ARAP2: variants seen among roughly 807,000 people sequenced by gnomAD.
ARAP2 encodes the protein ArfGAP with RhoGAP domain, ankyrin repeat and PH domain 2.
A neutral mutation model predicts 194.5 loss-of-function variants in ARAP2; 148 were observed. The observed-to-expected ratio is 0.76, with a 90% CI of 0.67 to 0.87. ARAP2 has a LOEUF of 0.87. Among genes scored for constraint, ARAP2 ranks in the 40% least tolerant of loss-of-function variants. ARAP2 has a pLI of 0.00. For missense variants in ARAP2, 2,128 were observed against 1,989.7 expected, an observed-to-expected ratio of 1.07 and a Z score of -1.32; for synonymous variants, 695 against 683.5, an observed-to-expected ratio of 1.02 and a Z score of -0.26.
At chr4:36,086,500 A>G (rs1290854798) in intron 28 of ARAP2, among the ~76,000 whole-genome samples, 1 of 152,140 alleles carries the variant, frequency 6.6e-6, no homozygotes, top group Non-Finnish European at 1.5e-5. Context: ...ATATTCATAA[A>G]GAAGAGCTAT....
chr4:36,032,837 C>A (rs1325941411), intron 5 of ARAP2, among the ~76,000 whole-genome samples: 2 of 152,180 alleles, frequency 1.3e-5, no homozygotes, highest in African/African-American at 4.8e-5. Context: ...ACCCTCCACA[C>A]TCAAGTAGGC....
intron 2 of ARAP2, among the ~76,000 whole-genome samples, chr4:36,215,143 AAAG>A (rs1351944441): frequency 5.3e-5 from 8 of 152,218 alleles, no homozygotes; most frequent in African/African-American, 1.9e-4. Context: ...TAACTTTTAA[AAAG>A]AAGAACAAAA....
rs1331254412 is a variant in ARAP2, at chr4:36,043,083, T to A, written n.607+2896A>T. Among the ~76,000 whole-genome samples the A allele has an allele frequency of 5.3e-5, 8 of 152,296 alleles. No homozygotes were observed. The South Asian group carries it at 8.3e-4, about 16-fold the overall frequency. On this transcript the variant is annotated intron_variant and non_coding_transcript_variant, in intron 5 of 12. Transcript: ENST00000503225. ...GTCTCAAACTCCTGACCTCAGGTGA[T>A]CTGCCCACATTGGCCTCCCAAAGTG...
At chr4:36,242,894 C>T (rs1753795773) in intron 1 of ARAP2, among the ~76,000 whole-genome samples, 1 of 152,014 alleles carries the variant, frequency 6.6e-6, no homozygotes, top group Non-Finnish European at 1.5e-5. Flanking sequence ...TATATAAAAC[C>T]CTCTTCGTGT....
chr4:36,177,944 C>T lies in ARAP2; in HGVS notation c.1740G>A (p.Ser580=), dbSNP rs773257949. ...LNALKSQSLT[S]QSQAVVTPEK... is the part of the protein sequence containing the mutation. ...CAGGTGTAACAACAGCTTGAGACTG[C>T]GAGGTAAGGGATTGTGATTTCAGTG... The change falls in exon 9 of 33, where the codon TCG becomes TCA. Residue 580 remains serine (S), a synonymous_variant. Transcript: ENST00000303965. 6.2e-6 allele frequency: 10 copies of T among 1,613,126 alleles called. No homozygotes were observed. Among genetic ancestry groups the T allele is most frequent in the African/African-American group, 1.3e-5 (1 of 74,832 alleles).
Position 36,147,338 on chromosome 4 carries a change from T to A in ARAP2, c.3221A>T (p.Asn1074Ile), listed in dbSNP as rs761729402. 5.6e-6 allele frequency: 9 copies of A among 1,613,038 alleles called. No homozygotes were observed. The highest frequency in any genetic ancestry group is 7.6e-6 in the Non-Finnish European group (9 of 1,179,272). Residue 1074 changes from asparagine (N) to isoleucine (I), a missense_variant, in exon 19 of 33, where the codon AAT becomes ATT. Transcript: ENST00000303965. ...QELTISTMVQ[N>I]GEKLDVLLLV... Reference sequence around the variant, plus strand: ...GAGTAAAACATCCAGTTTTTCCCCATTTTGAACCATTGTGCTGATTGCTGA... The same window carrying A: ...GAGTAAAACATCCAGTTTTTCCCCAATTTGAACCATTGTGCTGATTGCTGA...
chr4:36,021,174 A>G (rs1436930000), intron 5 of ARAP2, among the ~76,000 whole-genome samples: 1 of 152,240 alleles, frequency 6.6e-6, no homozygotes, highest in Non-Finnish European at 1.5e-5. Flanking sequence ...TTCATCATCC[A>G]GGTGCATATG....
At chr4:36,019,484 G>A (rs961761975) in intron 5 of ARAP2, among the ~76,000 whole-genome samples, 1 of 149,004 alleles carries the variant, frequency 6.7e-6, no homozygotes, top group Non-Finnish European at 1.5e-5. Context: ...TGTGATACTC[G>A]CGATGATGGA....
At chr4:36,207,796 G>C (rs543665849) in intron 6 of ARAP2, among the ~76,000 whole-genome samples, 47 of 151,838 alleles carry the variant, frequency 3.1e-4, no homozygotes, top group Non-Finnish European at 4.7e-4. Context: ...AAAAACCCAA[G>C]AGTTCACTAC....
In ARAP2 at chr4:36,140,261, T is replaced by C. The variant is rs74347788; in HGVS notation, c.3264-6872A>G. Reference sequence around the variant, plus strand: ...CTTCATAAGCTTATCTCCTGGTACATAGAGGTACTTTGAACTAACTGAAAC... The same window carrying C: ...CTTCATAAGCTTATCTCCTGGTACACAGAGGTACTTTGAACTAACTGAAAC... On this transcript the variant is annotated intron_variant, in intron 19 of 32. Coordinates refer to ENST00000303965, the MANE Select transcript of ARAP2 (RefSeq NM_015230.4). 6.0e-3 allele frequency among the ~76,000 whole-genome samples: 908 copies of C among 151,690 alleles called. 5 individuals are homozygous for C. The highest frequency in any genetic ancestry group is 0.02 in the African/African-American group (844 of 41,472).
At chr4:36,091,128 C>G (rs1713518955) in intron 28 of ARAP2, among the ~76,000 whole-genome samples, 2 of 151,904 alleles carry the variant, frequency 1.3e-5, no homozygotes, top group Admixed American at 1.3e-4. Context: ...GTAACCTGCA[C>G]CCAGAGAATA....
intron 21 of ARAP2, among the ~76,000 whole-genome samples, chr4:36,125,191 T>C (rs929903975): frequency 6.6e-6 from 1 of 151,996 alleles, no homozygotes; most frequent in African/African-American, 2.4e-5. Flanking sequence ...GTTCTTACAA[T>C]TTGTAATTTA....
chr4:36,056,701 C>T (rs1010715303), intron 2 of ARAP2, among the ~76,000 whole-genome samples: 2 of 151,830 alleles, frequency 1.3e-5, no homozygotes, highest in African/African-American at 4.8e-5. Context: ...TGTTTTTGTC[C>T]CTTTTTCTTT....
At chr4:36,042,588 C>G (rs2063400) in intron 5 of ARAP2, among the ~76,000 whole-genome samples, 11,184 of 152,186 alleles carry the variant, frequency 0.073, 566 homozygotes, top group Middle Eastern at 0.2. Context: ...TTTATAATGT[C>G]TTTCTTTTAC....
chr4:36,210,706 T>G lies in ARAP2; in HGVS notation c.1171A>C (p.Lys391Gln), dbSNP rs1436210874. 17 of 1,607,240 alleles carry G rather than the reference T, an allele frequency of 1.1e-5. No homozygotes were observed. Among genetic ancestry groups the G allele is most frequent in the Non-Finnish European group, 1.4e-5 (17 of 1,178,096 alleles). Residue 391 changes from lysine to glutamine, a missense_variant, in exon 6 of 33, where the codon AAG becomes CAG. Lys to Gln is a moderately conservative substitution (Grantham distance 53, BLOSUM62 1). Coordinates refer to ENST00000303965, the MANE Select transcript of ARAP2 (RefSeq NM_015230.4). ...DNRKEKISED[K>Q]VEDIWIPRED... ...CGAGGTATCCAAATATCTTCCACCT[T>G]GTCCTCGCTTATTTTCTCCTTTCTG...
At chr4:36,163,295 C>T (rs6531418) in intron 11 of ARAP2, among the ~76,000 whole-genome samples, 126,463 of 152,074 alleles carry the variant, frequency 0.83, 52,643 homozygotes, top group East Asian at 0.92. Context: ...CAAAGAGAGA[C>T]TGGTATCTTG....
intron 5 of ARAP2, among the ~76,000 whole-genome samples, chr4:36,023,867 G>A (rs1717435006): frequency 6.6e-6 from 1 of 152,090 alleles, no homozygotes; most frequent in African/African-American, 2.4e-5. Flanking sequence ...AAGAACAGAA[G>A]TGGTTTGAAG....
Position 36,080,292 on chromosome 4 carries a change from G to T in ARAP2, c.4545-13C>A, listed in dbSNP as rs1320929778. On this transcript the variant is annotated splice_polypyrimidine_tract_variant and intron_variant, in intron 30 of 32. Coordinates refer to ENST00000303965, the MANE Select transcript of ARAP2 (RefSeq NM_015230.4). The stretch of plus-strand genomic sequence containing the variant: ...ACAACACAGGTGCCTGCAAAACGAG[G>T]TTTATAAACTATGTCATTCAAAAAG... 1.2e-6 allele frequency: 2 copies of T among 1,606,998 alleles called. No homozygotes were observed. The highest frequency in any genetic ancestry group is 2.2e-5 in the East Asian group (1 of 44,678).
chr4:36,010,131 C>T (rs1436847664), intron 9 of ARAP2, among the ~76,000 whole-genome samples: 1 of 151,116 alleles, frequency 6.6e-6, no homozygotes, highest in Non-Finnish European at 1.5e-5. Context: ...TCAGAGAAAA[C>T]ATTATAAATA....
Sources: allele counts gnomAD v4.1 joint callset (sites outside exome capture counted in the v4.1 genomes callset), GRCh38; gene constraint gnomAD v4.1.1; transcripts MANE v1.5; gene names NCBI Gene and HGNC (gene_info 2026-07-23, HGNC 2026-07-21).